Variants in HNF4G observed in about 807,000 individuals in gnomAD.
HNF4G encodes the protein hepatocyte nuclear factor 4-gamma.
HNF4G carries 21 observed loss-of-function variants against 50.9 expected under a neutral mutation model. The ratio of observed to expected loss-of-function variants is 0.41; its 90% confidence interval spans 0.29 to 0.59. The LOEUF (loss-of-function observed/expected upper bound fraction) is 0.59. Among genes scored for constraint, HNF4G ranks in the 20% least tolerant of loss-of-function variants. The probability of loss-of-function intolerance (pLI) is 0.26; values close to 1 mark genes in which losing one functional copy is unlikely to be tolerated. For missense variants in HNF4G, 527 were observed against 559.4 expected (o/e 0.94, Z 0.58); for synonymous variants, 198 against 185.6 (o/e 1.07, Z -0.54).
intron 8 of HNF4G, among the ~76,000 whole-genome samples, chr8:75,560,141 T>C (rs1474810698): frequency 6.6e-6 from 1 of 152,202 alleles, no homozygotes; most frequent in Non-Finnish European, 1.5e-5. Flanking sequence ...CATAATATGA[T>C]GCAACATTAA....
intron 2 of HNF4G, among the ~76,000 whole-genome samples, chr8:75,519,888 TC>T (rs2130743199): frequency 6.6e-6 from 1 of 152,226 alleles, no homozygotes; most frequent in South Asian, 2.1e-4. Context: ...TCTCTGTATT[TC>T]AGCTGGTGTA....
chr8:75,547,491 G>A (rs1800922), intron 2 of HNF4G, 96 bp from the exon 3 acceptor site: 542,649 of 903,358 alleles, frequency 0.6, 167,465 homozygotes, highest in African/African-American at 0.9. Flanking sequence ...TTATCGAACC[G>A]AATTTGACAA....
chr8:75,520,964 A>T (rs1439402988), intron 2 of HNF4G, among the ~76,000 whole-genome samples: 5 of 152,014 alleles, frequency 3.3e-5, no homozygotes, highest in Non-Finnish European at 7.4e-5. Context: ...TTATTGTGTG[A>T]ATATATTTGA....
intron 2 of HNF4G, among the ~76,000 whole-genome samples, chr8:75,518,742 C>CTT (rs140140287): frequency 2.0e-5 from 3 of 149,560 alleles, no homozygotes; most frequent in East Asian, 2.0e-4. Context: ...CCCATGAAAT[C>CTT]TTTTTTTTTT....
intron 2 of HNF4G, among the ~76,000 whole-genome samples, chr8:75,527,734 A>G (rs1243185175): frequency 6.6e-6 from 1 of 152,214 alleles, no homozygotes; most frequent in East Asian, 1.9e-4. Context: ...CTGTTTTGAT[A>G]CCATAAACAA....
intron 1 of HNF4G, among the ~76,000 whole-genome samples, chr8:75,470,587 G>A (rs1480973500): frequency 6.6e-6 from 1 of 152,106 alleles, no homozygotes; most frequent in Non-Finnish European, 1.5e-5. Context: ...TAAATGAAAT[G>A]GGAATATTTT....
Position 75,543,966 on chromosome 8 carries a change from G to A in HNF4G, c.274G>A (p.Val92Ile), listed in dbSNP as rs1374644617. Residue 92 changes from valine to isoleucine, a missense_variant, in exon 2 of 10, where the codon GTT becomes ATT. Coordinates refer to ENST00000396423, the MANE Select transcript of HNF4G (RefSeq NM_004133.5). ...CAGACGCAGCATTCGTAAGAGTCAC[G>A]TTTATTCTTGCAGGTACTTTAAATG... is the stretch of plus-strand genomic sequence containing the variant. The part of the protein sequence containing the change: ...FFRRSIRKSH[V>I]YSCRFSRQCV... The A allele has an allele frequency of 1.3e-6, 2 of 1,583,578 alleles. No homozygotes were observed. The highest frequency in any genetic ancestry group is 1.8e-5 in the Admixed American group (1 of 56,196).
intron 1 of HNF4G, among the ~76,000 whole-genome samples, chr8:75,453,035 A>T (rs1272345344): frequency 2.6e-5 from 4 of 152,232 alleles, no homozygotes; most frequent in Non-Finnish European, 5.9e-5. Context: ...TCACCTAGAG[A>T]ATAGCAATCA....
chr8:75,533,718 CA>C (rs1806389641), intron 2 of HNF4G, among the ~76,000 whole-genome samples: 1 of 151,712 alleles, frequency 6.6e-6, no homozygotes, highest in Non-Finnish European at 1.5e-5. Context: ...TCAGTTGAGC[CA>C]GTTATACACC....
At chr8:75,512,518 G>C (rs1053772160) in intron 2 of HNF4G, among the ~76,000 whole-genome samples, 1 of 151,542 alleles carries the variant, frequency 6.6e-6, no homozygotes, top group Admixed American at 6.6e-5. Context: ...AGGCTGGAGT[G>C]CAGTGGTGCA....
At chr8:75,512,624 C>A (rs978924515) in intron 2 of HNF4G, among the ~76,000 whole-genome samples, 3 of 151,816 alleles carry the variant, frequency 2.0e-5, no homozygotes, top group Non-Finnish European at 4.4e-5. Flanking sequence ...GCCAAGACGC[C>A]CGGCTAATTT....
intron 1 of HNF4G, among the ~76,000 whole-genome samples, chr8:75,430,046 G>A (rs576263870): frequency 7.9e-5 from 12 of 152,108 alleles, no homozygotes; most frequent in African/African-American, 2.7e-4. Context: ...AGCTACTAGG[G>A]AGGCTGAGGC....
At chr8:75,417,069 T>A (rs1275830474) in intron 1 of HNF4G, among the ~76,000 whole-genome samples, 1 of 152,242 alleles carries the variant, frequency 6.6e-6, no homozygotes, top group Non-Finnish European at 1.5e-5. Flanking sequence ...TTCCGATTAC[T>A]GTAGGTTTGG....
rs117547785 is a variant in HNF4G at position 75,457,478 on chromosome 8, G to A, written c.-143-32611G>A. ...TTTAACACTGTTATTTAACTAAACT[G>A]AACGTGTCCAGGATGAGACAGCAAG... is the stretch of plus-strand genomic sequence containing the variant. On this transcript the variant is annotated intron_variant, in intron 1 of 10. Transcript: ENST00000354370. Among the ~76,000 whole-genome samples the A allele has an allele frequency of 5.9e-5, 9 of 152,218 alleles. No individual in the cohort carries two copies. The East Asian group carries it at 1.4e-3, about 23-fold the overall frequency.
intron 1 of HNF4G, among the ~76,000 whole-genome samples, chr8:75,468,058 T>C (rs1263839323): frequency 6.6e-6 from 1 of 152,212 alleles, no homozygotes; most frequent in South Asian, 2.1e-4. Context: ...TCCATACAAA[T>C]AATTATATCA....
chr8:75,463,607 C>T (rs1363237668), intron 1 of HNF4G, among the ~76,000 whole-genome samples: 3 of 149,510 alleles, frequency 2.0e-5, no homozygotes, highest in African/African-American at 7.4e-5. Flanking sequence ...TTTTTTTTTT[C>T]AACAGAGTCT....
At chr8:75,476,945 C>T (rs762202032) in intron 1 of HNF4G, among the ~76,000 whole-genome samples, 1 of 152,090 alleles carries the variant, frequency 6.6e-6, no homozygotes, top group Non-Finnish European at 1.5e-5. Context: ...TGGATAGATT[C>T]AATTGAAAAC....
At chr8:75,528,235 AC>A (rs1470561550) in intron 2 of HNF4G, among the ~76,000 whole-genome samples, 2 of 152,204 alleles carry the variant, frequency 1.3e-5, no homozygotes, top group Non-Finnish European at 2.9e-5. Context: ...ATATGGGCCT[AC>A]CAAGGCTCCT....
At chr8:75,563,775 T>C (rs770442693) in intron 9 of HNF4G, among the ~76,000 whole-genome samples, 200 bp from the exon 10 acceptor site, 1 of 152,168 alleles carries the variant, frequency 6.6e-6, no homozygotes, top group African/African-American at 2.4e-5. Flanking sequence ...TTCTATTTAA[T>C]GTTATTTGGA....
Sources: gnomAD v4.1 joint callset for allele counts (sites outside exome capture counted in the v4.1 genomes callset) on GRCh38, gnomAD v4.1.1 for gene constraint, MANE v1.5 for transcripts, NCBI Gene and HGNC (gene_info 2026-07-23, HGNC 2026-07-21) for gene names.